The following SCN9A variants were observed in gnomAD, a reference collection of about 807,000 sequenced individuals.
SCN9A encodes sodium voltage-gated channel alpha subunit 9, also known as sodium channel protein type 9 subunit alpha.
A neutral mutation model predicts 187.0 loss-of-function variants in SCN9A; 131 were observed. That is an observed-to-expected ratio of 0.70 (90% confidence interval 0.61 to 0.81). SCN9A has a LOEUF of 0.81. SCN9A is among the 30% of genes least tolerant of loss of function. The probability of loss-of-function intolerance (pLI) is 0.00; values close to 1 mark genes in which losing one functional copy is unlikely to be tolerated. For synonymous variants in SCN9A, 809 were observed against 808.6 expected (o/e 1.00, Z -0.01); for missense variants, 2,252 against 2,396.6 (o/e 0.94, Z 1.26).
Position 166,196,550 on chromosome 2 carries a change from T to TGTAA in SCN9A, c.*2118_*2121dup, listed in dbSNP as rs1326579153. ...TCAAACATCTTGTCTTACTACATTATGTAAGTATTCATAATGCAGTTATAT... is the reference window on the plus strand; with the variant it reads ...TCAAACATCTTGTCTTACTACATTATGTAAGTAAGTATTCATAATGCAGTTATAT... On this transcript the variant is annotated 3_prime_UTR_variant, in exon 27 of 27. Coordinates refer to ENST00000642356, the MANE Select transcript of SCN9A (RefSeq NM_001365536.1). 2.6e-5 allele frequency: 4 copies of TGTAA among 152,192 alleles called. No individual in the cohort carries two copies. Among genetic ancestry groups the TGTAA allele is most frequent in the Admixed American group, 2.6e-4 (4 of 15,282 alleles). The allele number at this position is 152,192 out of a possible 1,614,324, so 9.4% of individuals were successfully genotyped here.
chr2:166,233,462 C>A lies in SCN9A; in HGVS notation c.3802G>T (p.Val1268Phe). The A allele has an allele frequency of 1.3e-6, 2 of 1,560,676 alleles. No individual in the cohort carries two copies. The highest frequency in any genetic ancestry group is 8.6e-7 in the Non-Finnish European group (1 of 1,163,302). The part of the protein sequence containing the change: ...WCWLDFLIVD[V>F]SLVTLVANTL... ...TTTGCCACTAAAGTAACCAAAGAAA[C>A]CTATAAAAATAACATTTTCATTAAT... is the stretch of plus-strand genomic sequence containing the variant. Residue 1268 changes from valine to phenylalanine, a missense_variant and splice_region_variant, in exon 21 of 27, where the codon GTT becomes TTT. By Grantham distance (50) the Val-to-Phe change is conservative (BLOSUM62 -1). This residue lies in a region of SCN9A where 368 missense variants were observed against 408.6 expected (regional missense o/e 0.90). Transcript: ENST00000642356.
At chr2:166,348,126 C>T (rs189833651) in intron 1 of SCN9A, among the ~76,000 whole-genome samples, 41 of 152,134 alleles carry the variant, frequency 2.7e-4, no homozygotes, top group African/African-American at 8.9e-4. Context: ...TGCCAGGTAG[C>T]ATGTAACTCA....
chr2:166,195,479 C>T lies in SCN9A; in HGVS notation c.*3193G>A, dbSNP rs1167566549. The stretch of plus-strand genomic sequence containing the variant: ...CATAGGTCCTAAACCCAGGCCAATT[C>T]CCTGGCCATCCTAATTTAGTTGGCC... On this transcript the variant is annotated 3_prime_UTR_variant, in exon 27 of 27. Transcript: ENST00000642356. 6.6e-6 allele frequency: 1 copy of T among 152,090 alleles called. No homozygotes were observed. The highest frequency in any genetic ancestry group is 1.5e-5 in the Non-Finnish European group (1 of 68,016). The allele number at this position is 152,090 out of a possible 1,614,324, so 9.4% of individuals were successfully genotyped here.
At chr2:166,261,971 ATAAT>A (rs1485223647) in intron 17 of SCN9A, among the ~76,000 whole-genome samples, 3 of 152,024 alleles carry the variant, frequency 2.0e-5, no homozygotes, top group Non-Finnish European at 2.9e-5. Flanking sequence ...CTGTAATAAC[ATAAT>A]AAGTCATGAC....
rs201718308 is a variant in SCN9A, at chr2:166,198,392, T to C, written c.*280A>G. On this transcript the variant is annotated 3_prime_UTR_variant, in exon 27 of 27. Transcript: ENST00000642356. Reference sequence around the variant, plus strand: ...AAGGCAGATGTAAAAGTTTTCTACATGGTCTTCTGATTTATTAAAAACCAA... The same window carrying C: ...AAGGCAGATGTAAAAGTTTTCTACACGGTCTTCTGATTTATTAAAAACCAA... The C allele has an allele frequency of 1.4e-5, 4 of 291,570 alleles. No individual in the cohort carries two copies. The highest frequency in any genetic ancestry group is 2.5e-5 in the Non-Finnish European group (4 of 158,406). The allele number at this position is 291,570 out of a possible 1,614,324, so 18.1% of individuals were successfully genotyped here.
chr2:166,234,690 A>C (rs1191977682), intron 20 of SCN9A, among the ~76,000 whole-genome samples: 1 of 152,128 alleles, frequency 6.6e-6, no homozygotes, highest in Non-Finnish European at 1.5e-5. Flanking sequence ...AGTCATTCAC[A>C]TCCATTATTT....
intron 1 of SCN9A, among the ~76,000 whole-genome samples, chr2:166,353,481 C>T (rs369860008): frequency 1.0e-3 from 159 of 152,256 alleles, no homozygotes; most frequent in African/African-American, 3.7e-3. Flanking sequence ...TGCTGACAGC[C>T]TCTTCTGTTT....
chr2:166,354,705 A>G (rs2105304455), intron 1 of SCN9A, among the ~76,000 whole-genome samples: 1 of 152,318 alleles, frequency 6.6e-6, no homozygotes, highest in East Asian at 1.9e-4. Flanking sequence ...AATTTTTGCC[A>G]TTAAAATAGT....
chr2:166,200,526 A>T (rs918400369), intron 26 of SCN9A, among the ~76,000 whole-genome samples: 1 of 152,184 alleles, frequency 6.6e-6, no homozygotes, highest in African/African-American at 2.4e-5. Context: ...TGAAATGTCA[A>T]CAATAACTAT....
chr2:166,247,438 AG>A (rs1695844358), intron 18 of SCN9A, among the ~76,000 whole-genome samples: 1 of 152,134 alleles, frequency 6.6e-6, no homozygotes, highest in East Asian at 1.9e-4. Flanking sequence ...TTTTATAGGA[AG>A]GGGGTGAATA....
chr2:166,280,387 T>A lies in SCN9A; in HGVS notation c.2313A>T (p.Glu771Asp), dbSNP rs1193578651. ...TTCCTATAGCAAGTACATTTTTGAA[T>A]TCCTCAGTCATTGGGTGGTGTTCCA... ...MAMEHHPMTE[E>D]FKNVLAIGNL... is the part of the protein sequence containing the mutation. The change falls in exon 14 of 27, where the codon GAA (glutamate) becomes GAT (aspartate). Residue 771 changes from glutamate to aspartate, a missense_variant. Transcript: ENST00000642356. 1.9e-6 allele frequency: 3 copies of A among 1,583,364 alleles called. No homozygotes were observed. The highest frequency in any genetic ancestry group is 8.6e-7 in the Non-Finnish European group (1 of 1,162,502).
intron 17 of SCN9A, among the ~76,000 whole-genome samples, chr2:166,255,118 GGA>G (rs35669204): frequency 0.32 from 46,462 of 147,384 alleles, 7,475 homozygotes; most frequent in African/African-American, 0.42. Flanking sequence ...AAGAGAGAGA[GGA>G]GAGAGAGAGA....
chr2:166,214,488 A>C (rs1163752304), intron 24 of SCN9A, among the ~76,000 whole-genome samples: 1 of 147,204 alleles, frequency 6.8e-6, no homozygotes, highest in African/African-American at 2.5e-5. Context: ...AGACAATCCC[A>C]ACTCTACAAT....
At position 166,272,576 on chromosome 2, in the gene SCN9A, T is replaced by G; in HGVS notation, c.3174A>C (p.Lys1058Asn). 1 of 1,613,472 alleles carries G rather than the reference T, an allele frequency of 6.2e-7. No homozygotes were observed. The part of the protein sequence containing the change: ...KGHNFLKEKD[K>N]ISGFGSSVDK... The stretch of plus-strand genomic sequence containing the variant: ...CCACGCTGCTTCCAAAACCACTGAT[T>G]TTATCTTTTTCCTTGAGGAAATTGT... The change falls in exon 17 of 27, where the codon AAA becomes AAC. Residue 1058 changes from lysine (K) to asparagine (N), a missense_variant. This residue lies in a region of SCN9A where 313 missense variants were observed against 295.3 expected (regional missense o/e 1.06). Transcript: ENST00000642356.
intron 26 of SCN9A, among the ~76,000 whole-genome samples, chr2:166,202,484 C>T (rs926650817): frequency 2.0e-5 from 3 of 151,628 alleles, no homozygotes; most frequent in Non-Finnish European, 3.0e-5. Context: ...AATTTTCTTC[C>T]AGATGAATTT....
At chr2:166,353,768 A>C (rs1425100053) in intron 1 of SCN9A, among the ~76,000 whole-genome samples, 1 of 152,110 alleles carries the variant, frequency 6.6e-6, no homozygotes, top group Non-Finnish European at 1.5e-5. Flanking sequence ...GCAGTCCCCT[A>C]AATGCGGATT....
At chr2:166,236,499 A>G (rs1695325080) in intron 20 of SCN9A, among the ~76,000 whole-genome samples, 1 of 152,064 alleles carries the variant, frequency 6.6e-6, no homozygotes, top group Non-Finnish European at 1.5e-5. Flanking sequence ...CGACTCACTG[A>G]AACCTCTGCC....
intron 1 of SCN9A, among the ~76,000 whole-genome samples, chr2:166,317,407 A>C (rs1016441133): frequency 3.9e-5 from 6 of 152,156 alleles, no homozygotes; most frequent in African/African-American, 1.4e-4. Flanking sequence ...GTTGCATATA[A>C]AGGCAGTACT....
intron 1 of SCN9A, among the ~76,000 whole-genome samples, chr2:166,329,198 T>A (rs1451961902): frequency 6.6e-6 from 1 of 152,158 alleles, no homozygotes; most frequent in African/African-American, 2.4e-5. Flanking sequence ...GAATGTAGTT[T>A]GGAAATTTTT....
Sources: allele counts gnomAD v4.1 joint callset (sites outside exome capture counted in the v4.1 genomes callset), GRCh38; gene constraint gnomAD v4.1.1; regional missense constraint gnomAD v4.1.1; transcripts MANE v1.5; gene names NCBI Gene and HGNC (gene_info 2026-07-23, HGNC 2026-07-21).